The following ANKFN1 variants were observed in gnomAD, a reference collection of about 807,000 sequenced individuals.
ANKFN1 encodes the protein ankyrin repeat and fibronectin type III domain containing 1.
Under a neutral mutation model 108.7 loss-of-function variants are expected in ANKFN1, and 74 were observed. That is an observed-to-expected ratio of 0.68 (90% CI 0.56 to 0.83). The LOEUF (loss-of-function observed/expected upper bound fraction) is 0.83. Ranked by LOEUF, ANKFN1 falls within the 40% of genes least tolerant of loss-of-function variation. The probability of loss-of-function intolerance (pLI) is 0.00; values close to 1 mark genes in which losing one functional copy is unlikely to be tolerated. For missense variants in ANKFN1, 1,505 were observed against 1,382.3 expected (o/e 1.09, Z -1.41); for synonymous variants, 547 against 516.2 (o/e 1.06, Z -0.81).
At chr17:56,503,887 C>G (rs1287997689) in intron 20 of ANKFN1, among the ~76,000 whole-genome samples, 1 of 152,204 alleles carries the variant, frequency 6.6e-6, no homozygotes, top group Non-Finnish European at 1.5e-5. Flanking sequence ...AGTGGGCCCT[C>G]TCAGGGAAAT....
At chr17:56,283,260 T>C (rs1045444821) in intron 3 of ANKFN1, among the ~76,000 whole-genome samples, 1 of 152,088 alleles carries the variant, frequency 6.6e-6, no homozygotes, top group Non-Finnish European at 1.5e-5. Flanking sequence ...CTCCATCATG[T>C]TGCTGCAAAG....
At chr17:56,244,694 A>C (rs1181536903) in intron 3 of ANKFN1, among the ~76,000 whole-genome samples, 2 of 152,146 alleles carry the variant, frequency 1.3e-5, no homozygotes, top group African/African-American at 2.4e-5. Context: ...CAACCTCAGC[A>C]GAGCAGTTAG....
At chr17:56,482,209 G>A in intron 17 of ANKFN1, 147 bp from the exon 18 acceptor site, 2 of 657,810 alleles carry the variant, frequency 3.0e-6, no homozygotes, top group Non-Finnish European at 5.0e-6. Flanking sequence ...ATTATTAAAT[G>A]GGCTGAACCC....
At chr17:56,409,312 T>C (rs1353703821) in intron 8 of ANKFN1, among the ~76,000 whole-genome samples, 1 of 152,164 alleles carries the variant, frequency 6.6e-6, no homozygotes, top group Non-Finnish European at 1.5e-5. Context: ...AATCTTAAAA[T>C]CTCATCCTGG....
At chr17:56,217,890 C>G (rs760169724) in intron 2 of ANKFN1, among the ~76,000 whole-genome samples, 2 of 152,146 alleles carry the variant, frequency 1.3e-5, no homozygotes, top group Non-Finnish European at 2.9e-5. Context: ...AGATTTCTAG[C>G]ACTATTATCT....
intron 8 of ANKFN1, among the ~76,000 whole-genome samples, chr17:56,434,702 T>C (rs2048876307): frequency 6.6e-6 from 1 of 152,102 alleles, no homozygotes; most frequent in Non-Finnish European, 1.5e-5. Flanking sequence ...GTTGAGCGGG[T>C]TCATGCTGCA....
intron 3 of ANKFN1, among the ~76,000 whole-genome samples, chr17:56,311,751 G>A (rs1248567919): frequency 6.6e-6 from 1 of 152,188 alleles, no homozygotes; most frequent in African/African-American, 2.4e-5. Flanking sequence ...TATTTGCATT[G>A]GGTGTATATG....
intron 3 of ANKFN1, among the ~76,000 whole-genome samples, chr17:56,282,713 C>G (rs2044115096): frequency 6.6e-6 from 1 of 152,070 alleles, no homozygotes; most frequent in African/African-American, 2.4e-5. Context: ...TTAACCCACT[C>G]TAACTAGGAC....
chr17:56,331,699 T>C (rs1438903359), intron 4 of ANKFN1, among the ~76,000 whole-genome samples: 1 of 152,206 alleles, frequency 6.6e-6, no homozygotes, highest in East Asian at 1.9e-4. Flanking sequence ...AGCTAACCTC[T>C]CTGGGCCTCA....
At chr17:56,282,751 A>G (rs1278682622) in intron 3 of ANKFN1, among the ~76,000 whole-genome samples, 1 of 152,062 alleles carries the variant, frequency 6.6e-6, no homozygotes, top group African/African-American at 2.4e-5. Context: ...TGGTGCTAGG[A>G]GTGATCTGTA....
At chr17:56,140,765 A>G (rs1044136263) in intron 4 of ANKFN1, among the ~76,000 whole-genome samples, 3 of 152,156 alleles carry the variant, frequency 2.0e-5, no homozygotes, top group South Asian at 2.1e-4. Flanking sequence ...AATAAATACA[A>G]ATGTGTATGT....
At chr17:56,414,401 A>C (rs1598562822) in intron 8 of ANKFN1, among the ~76,000 whole-genome samples, 1 of 152,248 alleles carries the variant, frequency 6.6e-6, no homozygotes, top group Admixed American at 6.5e-5. Context: ...CTACAAGGCT[A>C]GTATTACACT....
At chr17:56,093,181 T>G (rs998159609) in intron 4 of ANKFN1, among the ~76,000 whole-genome samples, 4 of 151,250 alleles carry the variant, frequency 2.6e-5, no homozygotes, top group African/African-American at 9.7e-5. Flanking sequence ...CCTAAGATTC[T>G]GCTTTCCACA....
At chr17:56,133,906 CAA>C (rs904680838) in intron 4 of ANKFN1, among the ~76,000 whole-genome samples, 3 of 151,988 alleles carry the variant, frequency 2.0e-5, no homozygotes, top group African/African-American at 7.3e-5. Flanking sequence ...TCTTACAATT[CAA>C]TTCAATTCTG....
intron 4 of ANKFN1, among the ~76,000 whole-genome samples, chr17:56,102,236 ACAT>A (rs1377960665): frequency 6.6e-6 from 1 of 152,200 alleles, no homozygotes; most frequent in African/African-American, 2.4e-5. Flanking sequence ...CCTTCTTTTA[ACAT>A]CATTTTATCT....
intron 3 of ANKFN1, among the ~76,000 whole-genome samples, chr17:56,280,315 A>T (rs1462494430): frequency 4.6e-5 from 7 of 152,146 alleles, no homozygotes; most frequent in Non-Finnish European, 1.0e-4. Flanking sequence ...GCAGCATCCA[A>T]TCCACTGAGA....
At chr17:56,282,403 A>T (rs1037753233) in intron 3 of ANKFN1, among the ~76,000 whole-genome samples, 1 of 152,106 alleles carries the variant, frequency 6.6e-6, no homozygotes, top group African/African-American at 2.4e-5. Context: ...ACATAGGTAT[A>T]TACATTTATC....
intron 4 of ANKFN1, among the ~76,000 whole-genome samples, chr17:56,119,531 G>C (rs1285017217): frequency 6.6e-6 from 1 of 152,048 alleles, no homozygotes; most frequent in Non-Finnish European, 1.5e-5. Context: ...TTAAAAGCTT[G>C]GTAGAGAAGA....
chr17:56,236,646 T>A (rs1048413475), intron 3 of ANKFN1, among the ~76,000 whole-genome samples: 2 of 152,198 alleles, frequency 1.3e-5, no homozygotes, highest in Non-Finnish European at 2.9e-5. Flanking sequence ...ACAAGGGTAG[T>A]TTGACTTCCT....
Sources: allele counts gnomAD v4.1 joint callset (sites outside exome capture counted in the v4.1 genomes callset), GRCh38; gene constraint gnomAD v4.1.1; transcripts MANE v1.5; gene names NCBI Gene and HGNC (gene_info 2026-07-23, HGNC 2026-07-21).